PTPRT: variants seen among roughly 807,000 people sequenced by gnomAD.
PTPRT encodes receptor-type tyrosine-protein phosphatase T.
Under a neutral mutation model 176.8 loss-of-function variants are expected in PTPRT, and 56 were observed. The observed-to-expected ratio is 0.32, with a 90% CI of 0.26 to 0.40. The LOEUF (loss-of-function observed/expected upper bound fraction) is 0.40, where lower values mean the gene tolerates loss of function less well. Ranked by LOEUF, PTPRT falls within the 10% of genes least tolerant of loss-of-function variation. PTPRT has a pLI of 1.00. For synonymous variants in PTPRT, 783 were observed against 739.0 expected (o/e 1.06, Z -0.96); for missense variants, 1,540 against 1,908.2 (o/e 0.81, Z 3.60).
At chr20:42,614,139 G>A (rs1308486449) in intron 7 of PTPRT, among the ~76,000 whole-genome samples, 1 of 152,040 alleles carries the variant, frequency 6.6e-6, no homozygotes, top group Admixed American at 6.6e-5. Context: ...TGGTTTGCTG[G>A]CAATCTCTGG....
Position 42,128,756 on chromosome 20 carries a change from C to A in PTPRT, c.2845G>T (p.Asp949Tyr). ...HSDYINANYI[D>Y]GYHRPRHYIA... ...CCCAGCCCCATTAAGACACTCACGT[C>A]AATGTAGTTGGCATTGATGTAGTCA... The change falls in exon 19 of 31, where the codon GAC (aspartate) becomes TAC (tyrosine). Residue 949 changes from aspartate (D) to tyrosine (Y), a missense_variant and splice_region_variant. Physicochemically the swap from Asp to Tyr is radical, Grantham distance 160. This residue lies in a region of PTPRT where 248 missense variants were observed against 356.7 expected (regional missense o/e 0.70). Coordinates refer to ENST00000373187, the MANE Select transcript of PTPRT (RefSeq NM_007050.6). 6.3e-7 allele frequency: 1 copy of A among 1,597,032 alleles called. No individual in the cohort carries two copies.
At chr20:42,285,936 T>G (rs1169829703) in intron 12 of PTPRT, among the ~76,000 whole-genome samples, 2 of 151,872 alleles carry the variant, frequency 1.3e-5, no homozygotes, top group Non-Finnish European at 2.9e-5. Context: ...TTTCTATACA[T>G]GAACAATAAA....
intron 2 of PTPRT, among the ~76,000 whole-genome samples, chr20:42,808,528 G>A (rs141644097): frequency 6.6e-6 from 1 of 152,098 alleles, no homozygotes; most frequent in African/African-American, 2.4e-5. Flanking sequence ...CCCAGGAAGA[G>A]GACCAAAGCA....
chr20:43,116,505 A>C (rs931652399), intron 1 of PTPRT, among the ~76,000 whole-genome samples: 5 of 152,220 alleles, frequency 3.3e-5, no homozygotes, highest in Non-Finnish European at 7.3e-5. Flanking sequence ...AAAATAAATA[A>C]TAGCAAAATA....
At chr20:42,220,677 TTAAA>T (rs55692045) in intron 15 of PTPRT, among the ~76,000 whole-genome samples, 31,353 of 152,104 alleles carry the variant, frequency 0.21, 3,599 homozygotes, top group African/African-American at 0.27. Context: ...GGTACATTGT[TTAAA>T]TAAAGTTTTT....
intron 17 of PTPRT, among the ~76,000 whole-genome samples, chr20:42,154,284 G>C (rs771004195): frequency 1.3e-5 from 2 of 152,202 alleles, no homozygotes; most frequent in African/African-American, 2.4e-5. Flanking sequence ...GGGAGAAGCA[G>C]AGGTGTCCTC....
chr20:43,114,902 T>C (rs1262257569), intron 1 of PTPRT, among the ~76,000 whole-genome samples: 1 of 152,200 alleles, frequency 6.6e-6, no homozygotes, highest in Non-Finnish European at 1.5e-5. Context: ...GAGTATGTTC[T>C]GAAAACTAGT....
At chr20:42,904,662 T>C (rs1423300007) in intron 1 of PTPRT, among the ~76,000 whole-genome samples, 1 of 152,128 alleles carries the variant, frequency 6.6e-6, no homozygotes, top group Non-Finnish European at 1.5e-5. Context: ...GACAGGCATT[T>C]CTGTTTTCAT....
In PTPRT at chr20:42,480,955, T is replaced by G. The variant is rs141659824; in HGVS notation, c.1154-8393A>C. ...TCATAAAGTCCCAGCAATAGATGAA[T>G]CAGTTACCATTTTTCATGAAAGGTT... On this transcript the variant is annotated intron_variant, in intron 7 of 30. Transcript: ENST00000373187. 5.9e-5 allele frequency among the ~76,000 whole-genome samples: 9 copies of G among 151,818 alleles called. No homozygotes were observed. In the East Asian group the frequency reaches 1.6e-3, roughly 26 times the overall value.
At chr20:42,567,897 T>G (rs759405252) in intron 7 of PTPRT, among the ~76,000 whole-genome samples, 7 of 152,188 alleles carry the variant, frequency 4.6e-5, no homozygotes, top group Non-Finnish European at 8.8e-5. Context: ...CAAAATGGCT[T>G]AAATAGTCAA....
At chr20:42,852,342 C>T (rs1011502847) in intron 2 of PTPRT, among the ~76,000 whole-genome samples, 7 of 152,100 alleles carry the variant, frequency 4.6e-5, no homozygotes, top group Non-Finnish European at 1.0e-4. Flanking sequence ...GTTGTTCCTG[C>T]ATTTTTTTTA....
chr20:42,095,247 T>C (rs768818573), intron 27 of PTPRT, among the ~76,000 whole-genome samples: 1 of 152,180 alleles, frequency 6.6e-6, no homozygotes, highest in Non-Finnish European at 1.5e-5. Flanking sequence ...ATGCTTTTAT[T>C]AAAAAAGGCA....
intron 7 of PTPRT, among the ~76,000 whole-genome samples, chr20:42,575,229 G>A (rs1367051678): frequency 6.6e-6 from 1 of 152,128 alleles, no homozygotes; most frequent in Non-Finnish European, 1.5e-5. Context: ...GGTGATGGGG[G>A]GCAGCAAGTG....
At chr20:42,979,532 A>G (rs1983150704) in intron 1 of PTPRT, among the ~76,000 whole-genome samples, 1 of 152,284 alleles carries the variant, frequency 6.6e-6, no homozygotes, top group East Asian at 1.9e-4. Context: ...TTCTTATTTC[A>G]GACGGGTGAA....
At chr20:43,047,556 C>A (rs1454510587) in intron 1 of PTPRT, among the ~76,000 whole-genome samples, 1 of 152,110 alleles carries the variant, frequency 6.6e-6, no homozygotes, top group African/African-American at 2.4e-5. Flanking sequence ...TTAATGTTTT[C>A]TATTAACTCC....
chr20:42,864,350 G>C (rs1456387206), intron 2 of PTPRT, among the ~76,000 whole-genome samples: 4 of 152,178 alleles, frequency 2.6e-5, no homozygotes, highest in African/African-American at 9.6e-5. Flanking sequence ...GGGGAGAGGG[G>C]AGAGAGGAGA....
chr20:42,946,997 C>T (rs771641144), intron 1 of PTPRT, among the ~76,000 whole-genome samples: 34 of 152,082 alleles, frequency 2.2e-4, no homozygotes, highest in Admixed American at 1.7e-3. Flanking sequence ...CCAGCCACTT[C>T]GATTCAGGTC....
At chr20:42,180,574 G>T (rs1334011211) in intron 16 of PTPRT, among the ~76,000 whole-genome samples, 1 of 152,182 alleles carries the variant, frequency 6.6e-6, no homozygotes, top group Non-Finnish European at 1.5e-5. Flanking sequence ...TAGAAAGACA[G>T]GGAATTTTTA....
chr20:42,107,462 C>A (rs113279641), intron 23 of PTPRT, among the ~76,000 whole-genome samples: 7 of 152,316 alleles, frequency 4.6e-5, no homozygotes, highest in African/African-American at 1.7e-4. Context: ...GTCCGGAGAC[C>A]CTTGTCAGGG....
Sources: gnomAD v4.1 joint callset for allele counts (sites outside exome capture counted in the v4.1 genomes callset) on GRCh38, gnomAD v4.1.1 for gene constraint, gnomAD v4.1.1 regional missense constraint, MANE v1.5 for transcripts, NCBI Gene and HGNC (gene_info 2026-07-23, HGNC 2026-07-21) for gene names.